COL4A6: variants seen among roughly 807,000 people sequenced by gnomAD.
COL4A6 encodes collagen type IV alpha 6 chain, also known as collagen alpha-6(IV) chain.
COL4A6 carries 59 observed loss-of-function variants against 126.7 expected under a neutral mutation model. The observed-to-expected ratio is 0.47, with a 90% CI of 0.38 to 0.58. The LOEUF (loss-of-function observed/expected upper bound fraction) is 0.58. Ranked by LOEUF, COL4A6 falls within the 20% of genes least tolerant of loss-of-function variation. COL4A6 has a pLI of 0.00. For missense variants in COL4A6, 1,285 were observed against 1,337.3 expected, an observed-to-expected ratio of 0.96 and a Z score of 0.61; for synonymous variants, 547 against 496.6, an observed-to-expected ratio of 1.10 and a Z score of -1.35.
At chrX:108,336,769 T>C (rs1469246758) in intron 2 of COL4A6, among the ~76,000 whole-genome samples, 2 of 111,573 alleles carry the variant, frequency 1.8e-5, no homozygotes, top group Non-Finnish European at 3.8e-5. Flanking sequence ...TCTCCGCTCA[T>C]GGTTAAAAAT....
intron 3 of COL4A6, among the ~76,000 whole-genome samples, chrX:108,258,430 G>C (rs1165885238): frequency 8.9e-6 from 1 of 111,829 alleles, no homozygotes; most frequent in East Asian, 2.8e-4. Flanking sequence ...GAAACTGGGG[G>C]ATCAGGCCTA....
At chrX:108,336,943 T>C (rs1477981651) in intron 2 of COL4A6, among the ~76,000 whole-genome samples, 1 of 110,808 alleles carries the variant, frequency 9.0e-6, no homozygotes, top group East Asian at 2.8e-4. Flanking sequence ...TGGAGTCTCC[T>C]CTCCCTTTCC....
In COL4A6 at chrX:108,329,609, G is replaced by A. The variant is rs1171583387; in HGVS notation, c.64-18781C>T. Among the ~76,000 whole-genome samples the A allele has an allele frequency of 3.6e-5, 4 of 111,705 alleles. No individual in the cohort carries two copies. In the East Asian group the frequency reaches 1.1e-3, roughly 31 times the overall value. On this transcript the variant is annotated intron_variant, in intron 2 of 44. Coordinates refer to ENST00000334504, the MANE Select transcript of COL4A6 (RefSeq NM_033641.4). ...ACTTAATGAAATACAGATGAAATGAGATTATTTCTGGTATTTGTTTCACAA... is the reference window on the plus strand; with the variant it reads ...ACTTAATGAAATACAGATGAAATGAAATTATTTCTGGTATTTGTTTCACAA...
At chrX:108,228,262 A>G (rs2036221240) in intron 3 of COL4A6, among the ~76,000 whole-genome samples, 1 of 112,372 alleles carries the variant, frequency 8.9e-6, no homozygotes, top group Non-Finnish European at 1.9e-5. Context: ...CCAGGCACAG[A>G]GGTTAAGATG....
At chrX:108,344,807 T>C (rs1316739672) in intron 2 of COL4A6, among the ~76,000 whole-genome samples, 1 of 112,156 alleles carries the variant, frequency 8.9e-6, no homozygotes, top group Non-Finnish European at 1.9e-5. Context: ...CATATCCATT[T>C]TCCTCCATCA....
chrX:108,395,817 G>A (rs952653017), intron 2 of COL4A6, among the ~76,000 whole-genome samples: 2 of 111,714 alleles, frequency 1.8e-5, no homozygotes, highest in Non-Finnish European at 3.8e-5. Flanking sequence ...TTCATAATAA[G>A]AGGGGCTGAC....
intron 5 of COL4A6, among the ~76,000 whole-genome samples, chrX:108,218,760 T>G (rs1321497667): frequency 4.5e-5 from 5 of 111,898 alleles, no homozygotes; most frequent in African/African-American, 6.5e-5. Context: ...CATGCTTTGA[T>G]AAGGTTCAGA....
Position 108,316,594 on chromosome X carries a change from G to A in COL4A6, c.64-5766C>T, listed in dbSNP as rs769260125. Among the ~76,000 whole-genome samples, 3 of 111,518 alleles carry A rather than the reference G, an allele frequency of 2.7e-5. No homozygotes were observed. In the South Asian group the frequency reaches 1.1e-3, roughly 42 times the overall value. On this transcript the variant is annotated intron_variant, in intron 2 of 44. Transcript: ENST00000334504. ...TCAGTCCTGGGAAATTGTTAGAGTTGTAAATTCTTGTCTCCTCCACGATCC... is the reference window on the plus strand; with the variant it reads ...TCAGTCCTGGGAAATTGTTAGAGTTATAAATTCTTGTCTCCTCCACGATCC...
chrX:108,342,383 G>A (rs993542614), intron 2 of COL4A6, among the ~76,000 whole-genome samples: 9 of 111,360 alleles, frequency 8.1e-5, no homozygotes, highest in Non-Finnish European at 1.3e-4. Flanking sequence ...TGTGACCTTG[G>A]CTAGTGTAGG....
At chrX:108,285,048 A>G (rs763133084) in intron 3 of COL4A6, among the ~76,000 whole-genome samples, 20 of 111,768 alleles carry the variant, frequency 1.8e-4, no homozygotes, top group Non-Finnish European at 1.5e-4. Context: ...GACAAACAGC[A>G]TTTTGTCAAG....
intron 3 of COL4A6, among the ~76,000 whole-genome samples, chrX:108,240,444 A>G (rs1469989328): frequency 8.9e-6 from 1 of 112,037 alleles, no homozygotes; most frequent in Non-Finnish European, 1.9e-5. Context: ...TGTCAGGTAA[A>G]TTACTAATAA....
chrX:108,286,368 G>A (rs995682491), intron 3 of COL4A6, among the ~76,000 whole-genome samples: 6 of 112,109 alleles, frequency 5.4e-5, no homozygotes, highest in African/African-American at 1.6e-4. Context: ...TCTGCACTAT[G>A]AGCAGGCTCT....
At chrX:108,316,034 C>A (rs1249991572) in intron 2 of COL4A6, among the ~76,000 whole-genome samples, 1 of 112,006 alleles carries the variant, frequency 8.9e-6, no homozygotes, top group Non-Finnish European at 1.9e-5. Flanking sequence ...AACCAATAGG[C>A]TTTTCTAGGC....
intron 3 of COL4A6, among the ~76,000 whole-genome samples, chrX:108,274,764 C>T (rs1197555700): frequency 8.9e-6 from 1 of 111,947 alleles, no homozygotes; most frequent in African/African-American, 3.2e-5. Flanking sequence ...GGGAGTGAGT[C>T]TTAGTTCCTA....
At chrX:108,340,918 G>GA (rs2039548834) in intron 2 of COL4A6, among the ~76,000 whole-genome samples, 1 of 109,446 alleles carries the variant, frequency 9.1e-6, no homozygotes, top group Admixed American at 9.8e-5. Context: ...GCCATGAAAG[G>GA]AAAAAATGCT....
intron 3 of COL4A6, among the ~76,000 whole-genome samples, chrX:108,226,659 G>A (rs1602864723): frequency 9.0e-6 from 1 of 110,652 alleles, no homozygotes; most frequent in African/African-American, 3.3e-5. Flanking sequence ...AACCACATTG[G>A]CTTCTCCTCA....
intron 3 of COL4A6, among the ~76,000 whole-genome samples, chrX:108,295,726 G>A (rs966636149): frequency 3.6e-5 from 4 of 111,386 alleles, no homozygotes; most frequent in African/African-American, 1.3e-4. Context: ...GTGGGGTTTT[G>A]GATGGTCAGG....
At position 108,307,110 on chromosome X, in the gene COL4A6, G is replaced by GA. The variant is rs35142590; in HGVS notation, c.144+3637dup. ...TGTTTTGTTTGATCAAGTGGCAGGG[G>GA]AAAAAAAATACCAGGGAAGAGAACA... On this transcript the variant is annotated intron_variant, in intron 3 of 44. Coordinates refer to ENST00000334504, the MANE Select transcript of COL4A6 (RefSeq NM_033641.4). Among the ~76,000 whole-genome samples, 19 of 108,320 alleles carry GA rather than the reference G, an allele frequency of 1.8e-4. No individual in the cohort carries two copies. In the South Asian group the frequency reaches 3.2e-3, roughly 19 times the overall value. 94.1% of individuals were successfully genotyped at this position (108,320 alleles called of 115,157 possible).
chrX:108,200,776 G>C (rs1228975127), intron 13 of COL4A6, among the ~76,000 whole-genome samples: 1 of 112,032 alleles, frequency 8.9e-6, no homozygotes, highest in Non-Finnish European at 1.9e-5. Flanking sequence ...CCAACACATA[G>C]AAATGATAAA....
Sources: allele counts gnomAD v4.1 joint callset (sites outside exome capture counted in the v4.1 genomes callset), GRCh38; gene constraint gnomAD v4.1.1; transcripts MANE v1.5; gene names NCBI Gene and HGNC (gene_info 2026-07-23, HGNC 2026-07-21).